The following XPO5 variants were observed in gnomAD, a reference collection of about 807,000 sequenced individuals.
The protein encoded by XPO5 is exportin 5, also known as exportin-5.
A neutral mutation model predicts 160.6 loss-of-function variants in XPO5; 46 were observed. The ratio of observed to expected loss-of-function variants is 0.29; its 90% CI spans 0.23 to 0.37. The LOEUF (loss-of-function observed/expected upper bound fraction) is 0.37. Among genes scored for constraint, XPO5 ranks in the 10% least tolerant of loss-of-function variants. XPO5 has a pLI of 1.00. For synonymous variants in XPO5, 537 were observed against 519.3 expected, an observed-to-expected ratio of 1.03 and a Z score of -0.46; for missense variants, 1,090 against 1,463.9, an observed-to-expected ratio of 0.74 and a Z score of 4.17.
At chr6:43,535,556 T>G (rs2127713179) in intron 20 of XPO5, among the ~76,000 whole-genome samples, 1 of 152,124 alleles carries the variant, frequency 6.6e-6, no homozygotes, top group South Asian at 2.1e-4. Flanking sequence ...TGTTCTTGCT[T>G]AAGAAGTCAT....
intron 23 of XPO5, 56 bp from the exon 24 acceptor site, chr6:43,528,981 G>C (rs1480496107): frequency 2.0e-6 from 3 of 1,527,422 alleles, no homozygotes; most frequent in African/African-American, 2.8e-5. Context: ...TCACCTGCCA[G>C]GTGGTGGGTT....
chr6:43,560,458 C>T (rs935774871), intron 10 of XPO5, among the ~76,000 whole-genome samples, 155 bp from the exon 11 acceptor site: 3 of 152,182 alleles, frequency 2.0e-5, no homozygotes, highest in Non-Finnish European at 4.4e-5. Flanking sequence ...TGACCACCCA[C>T]TATGGACCAC....
Position 43,573,500 on chromosome 6 carries a change from C to A in XPO5, c.207G>T (p.Gln69His), listed in dbSNP as rs774242436. The A allele has an allele frequency of 3.1e-6, 5 of 1,613,660 alleles. No homozygotes were observed. Among genetic ancestry groups the A allele is most frequent in the Non-Finnish European group, 4.2e-6 (5 of 1,179,654 alleles). ...CTTACTTGACAACGTGTTCCAGGATCTGAAGGCCAAAATGTCTGACGATGG... is the reference window on the plus strand; with the variant it reads ...CTTACTTGACAACGTGTTCCAGGATATGAAGGCCAAAATGTCTGACGATGG... ...QVAIVRHFGL[Q>H]ILEHVVKFRW... Residue 69 changes from glutamine to histidine, a missense_variant, in exon 2 of 32, where the codon CAG becomes CAT. Coordinates refer to ENST00000265351, the MANE Select transcript of XPO5 (RefSeq NM_020750.3).
At chr6:43,537,599 T>C (rs1794417768) in intron 20 of XPO5, among the ~76,000 whole-genome samples, 1 of 152,198 alleles carries the variant, frequency 6.6e-6, no homozygotes, top group Non-Finnish European at 1.5e-5. Context: ...GACTTACATT[T>C]GGTCCTCAGG....
chr6:43,570,311 C>CAAAAAAAA (rs70990200), intron 5 of XPO5, among the ~76,000 whole-genome samples, 191 bp downstream of exon 5: 5 of 77,184 alleles, frequency 6.5e-5, no homozygotes, highest in East Asian at 4.6e-4. Context: ...GCCTCCGTCT[C>CAAAAAAAA]AAAAAAAAAA....
At chr6:43,539,545 G>A in intron 20 of XPO5, 1 of 1,420,502 alleles carries the variant, frequency 7.0e-7, no homozygotes, top group Non-Finnish European at 9.8e-7. Context: ...CTTTGGCCTT[G>A]CCTCCGCGAG....
At position 43,546,669 on chromosome 6, in the gene XPO5, T is replaced by A; in HGVS notation, c.2244A>T (p.Gly748=). The change falls in exon 20 of 32, where the codon GGA becomes GGT. Residue 748 remains glycine, a synonymous_variant. Transcript: ENST00000265351. ...PTDLEEAKAG[G]FVVGYTSSGN... Reference sequence around the variant, plus strand: ...CACTGGATGTATAACCCACCACAAATCCCCCAGCTTTGGCCTCTTCTAGGT... The same window carrying A: ...CACTGGATGTATAACCCACCACAAAACCCCCAGCTTTGGCCTCTTCTAGGT... 6.2e-7 allele frequency: 1 copy of A among 1,613,484 alleles called. No individual in the cohort carries two copies. Among genetic ancestry groups the A allele is most frequent in the South Asian group, 1.1e-5 (1 of 91,008 alleles).
chr6:43,557,782 G>GT (rs1168002454), intron 12 of XPO5, among the ~76,000 whole-genome samples: 5 of 58,408 alleles, frequency 8.6e-5, no homozygotes, highest in Admixed American at 5.2e-4. Context: ...CAATAAAGCT[G>GT]TAAAAAAAAA....
chr6:43,567,345 T>C lies in XPO5; in HGVS notation c.658A>G (p.Asn220Asp), dbSNP rs767259779. The C allele has an allele frequency of 6.2e-7, 1 of 1,603,994 alleles. No homozygotes were observed. The highest frequency in any genetic ancestry group is 1.7e-5 in the Admixed American group (1 of 57,656). ...AGTGCTGCAACTCCTACTCGACAGT[T>C]TGCTTGCGCCTACCAGAAAAGAAGT... ...DTSQESKAQANCRVGVAALNT... is the reference protein window; with the variant it reads ...DTSQESKAQADCRVGVAALNT... The change falls in exon 7 of 32, where the codon AAC becomes GAC. Residue 220 changes from asparagine (N) to aspartate (D), a missense_variant. Physicochemically the swap from Asn to Asp is conservative, Grantham distance 23. Coordinates refer to ENST00000265351, the MANE Select transcript of XPO5 (RefSeq NM_020750.3).
rs776742253 is a variant in XPO5, at chr6:43,523,105, T to C, written c.*763A>G. The C allele has an allele frequency of 3.6e-5, 6 of 165,162 alleles. No homozygotes were observed. Among genetic ancestry groups the C allele is most frequent in the Admixed American group, 2.2e-4 (4 of 17,836 alleles). The allele number at this position is 165,162 out of a possible 1,614,324, so 10.2% of individuals were successfully genotyped here. On this transcript the variant is annotated 3_prime_UTR_variant, in exon 32 of 32. Transcript: ENST00000265351. The stretch of plus-strand genomic sequence containing the variant: ...GTGACACTATCTAGGGTACTGTGGC[T>C]CTTGTGCCTGAGTGGACCTTGAGGC...
intron 1 of XPO5, among the ~76,000 whole-genome samples, 191 bp from the exon 2 acceptor site, chr6:43,573,792 C>G (rs2127759071): frequency 6.8e-6 from 1 of 148,026 alleles, no homozygotes; most frequent in East Asian, 1.9e-4. Context: ...TGGCGAAACC[C>G]CATCTCTATT....
intron 11 of XPO5, among the ~76,000 whole-genome samples, chr6:43,559,310 G>A (rs1762280126): frequency 6.6e-6 from 1 of 152,090 alleles, no homozygotes; most frequent in African/African-American, 2.4e-5. Flanking sequence ...AAAAAACACA[G>A]AACACCAGTG....
intron 20 of XPO5, among the ~76,000 whole-genome samples, chr6:43,534,922 G>A (rs1450845876): frequency 1.3e-5 from 2 of 151,882 alleles, no homozygotes; most frequent in African/African-American, 4.8e-5. Flanking sequence ...TTGAACTTGC[G>A]AGGCAGAGGT....
chr6:43,530,416 CTG>C (rs1477331485), intron 23 of XPO5, among the ~76,000 whole-genome samples: 1 of 150,002 alleles, frequency 6.7e-6, no homozygotes, highest in African/African-American at 2.5e-5. Flanking sequence ...GTGAGCAAGA[CTG>C]TCTCAAAAAA....
chr6:43,549,148 G>A (rs1204357018), intron 17 of XPO5, among the ~76,000 whole-genome samples: 2 of 152,056 alleles, frequency 1.3e-5, no homozygotes, highest in African/African-American at 4.8e-5. Flanking sequence ...TGCAACCTCC[G>A]CCTCCTGAGT....
In XPO5 at chr6:43,527,815, T is replaced by G; in HGVS notation, c.2823-84A>C. The G allele has an allele frequency of 3.5e-6, 5 of 1,445,028 alleles. 1 individual carries two copies. In the South Asian group the frequency reaches 5.9e-5, roughly 17 times the overall value. 89.5% of individuals were successfully genotyped at this position (1,445,028 alleles called of 1,614,324 possible). On this transcript the variant is annotated intron_variant, in intron 25 of 31. Coordinates refer to ENST00000265351, the MANE Select transcript of XPO5 (RefSeq NM_020750.3). ...GCAGCGACCCTAATCAGACTCTCTC[T>G]GACCACTTTCTTCTCCTTTGGGTCT...
intron 20 of XPO5, among the ~76,000 whole-genome samples, chr6:43,537,805 G>A (rs1381975004): frequency 2.0e-5 from 3 of 152,064 alleles, no homozygotes; most frequent in South Asian, 2.1e-4. Context: ...GGTAGCTCAC[G>A]GCTGTAATCC....
In XPO5 at chr6:43,548,425, T is replaced by C. The variant is rs2127729339; in HGVS notation, c.1896A>G (p.Gln632=). Residue 632 remains glutamine, a synonymous_variant, in exon 18 of 32, where the codon CAA becomes CAG. Transcript: ENST00000265351. ...TCAGGAGTAGCTCATTGGAGAGGAGTTGCTTCACATGGTTATAAAGCATGT... is the reference window on the plus strand; with the variant it reads ...TCAGGAGTAGCTCATTGGAGAGGAGCTGCTTCACATGGTTATAAAGCATGT... ...NFDMLYNHVK[Q]LLSNELLLTQ... The C allele has an allele frequency of 6.2e-7, 1 of 1,603,054 alleles. No homozygotes were observed. The highest frequency in any genetic ancestry group is 8.5e-7 in the Non-Finnish European group (1 of 1,172,994).
chr6:43,573,823 A>ATATAT (rs1491529922), intron 1 of XPO5, among the ~76,000 whole-genome samples: 33 of 126,146 alleles, frequency 2.6e-4, no homozygotes, highest in Non-Finnish European at 5.0e-4. Context: ...ATATATATAT[A>ATATAT]TTTTTTTTTT....
Sources: allele counts gnomAD v4.1 joint callset (sites outside exome capture counted in the v4.1 genomes callset), GRCh38; gene constraint gnomAD v4.1.1; transcripts MANE v1.5; gene names NCBI Gene and HGNC (gene_info 2026-07-23, HGNC 2026-07-21).